GRID2IP: variants seen among roughly 807,000 people sequenced by gnomAD.
The protein encoded by GRID2IP is delphilin.
In GRID2IP, 78 loss-of-function variants were observed where a neutral mutation model predicts 114.3. The ratio of observed to expected loss-of-function variants is 0.68; its 90% CI spans 0.57 to 0.82. The LOEUF (loss-of-function observed/expected upper bound fraction) is 0.82. Ranked by LOEUF, GRID2IP falls within the 40% of genes least tolerant of loss-of-function variation. The pLI is 0.00. For missense variants in GRID2IP, 1,727 were observed against 1,678.5 expected (o/e 1.03, Z -0.51); for synonymous variants, 809 against 724.0 (o/e 1.12, Z -1.89).
chr7:6,536,723 G>T lies in GRID2IP; in HGVS notation c.584+2995C>A, dbSNP rs1779730284. 2 of 690,080 alleles carry T rather than the reference G, an allele frequency of 2.9e-6. No homozygotes were observed. Among genetic ancestry groups the T allele is most frequent in the Non-Finnish European group, 5.3e-6 (2 of 376,696 alleles). The allele number at this position is 690,080 out of a possible 1,614,324, so 42.7% of individuals were successfully genotyped here. A position where few individuals can be genotyped will look rare whatever the true frequency, so the allele number is the denominator to read the frequency against. On this transcript the variant is annotated intron_variant, in intron 2 of 21. Coordinates refer to ENST00000457091, the MANE Select transcript of GRID2IP (RefSeq NM_001145118.2). The surrounding 1 kb of genome is among the most constrained non-coding windows in gnomAD (Gnocchi z 5.3). ...CCTGTCAATCAGCTCCCCAGGAAGC[G>T]CTCAGAGCCAGCGCATCATCTCCGC...
Position 6,508,812 on chromosome 7 carries a change from T to G in GRID2IP, c.2127+146A>C. ...AGATAGGGTAACCTGGGGCAAGGGGTGGGATAGCTTGAGCTAGGGAGTGGG... is the reference window on the plus strand; with the variant it reads ...AGATAGGGTAACCTGGGGCAAGGGGGGGGATAGCTTGAGCTAGGGAGTGGG... On this transcript the variant is annotated intron_variant, in intron 12 of 21. Transcript: ENST00000457091. The surrounding 1 kb of genome is among the most constrained non-coding windows in gnomAD (Gnocchi z 5.6). 2 of 1,279,440 alleles carry G rather than the reference T, an allele frequency of 1.6e-6. No homozygotes were observed. Among genetic ancestry groups the G allele is most frequent in the Non-Finnish European group, 2.1e-6 (2 of 957,244 alleles). 79.3% of individuals were successfully genotyped at this position (1,279,440 alleles called of 1,614,324 possible). A position where few individuals can be genotyped will look rare whatever the true frequency, so the allele number is the denominator to read the frequency against.
At chr7:6,524,223 G>C (rs1317113726) in intron 4 of GRID2IP, among the ~76,000 whole-genome samples, 1 of 152,082 alleles carries the variant, frequency 6.6e-6, no homozygotes, top group Non-Finnish European at 1.5e-5. Flanking sequence ...ATCAGTCCCG[G>C]GCTGGGACTA....
chr7:6,534,381 G>T lies in GRID2IP; in HGVS notation c.584+5337C>A, dbSNP rs566034888. Among the ~76,000 whole-genome samples, 11 of 152,280 alleles carry T rather than the reference G, an allele frequency of 7.2e-5. No individual in the cohort carries two copies. Among genetic ancestry groups the T allele is most frequent in the Non-Finnish European group, 1.2e-4 (8 of 68,034 alleles). On this transcript the variant is annotated intron_variant, in intron 2 of 21. Coordinates refer to ENST00000457091, the MANE Select transcript of GRID2IP (RefSeq NM_001145118.2). The surrounding 1 kb of genome is among the most constrained non-coding windows in gnomAD (Gnocchi z 4.5). ...CACGTCACACTTTCCAAACTGCCTG[G>T]CCTGTCCTAATTAGAAAGCCATTTT...
chr7:6,513,249 C>T (rs999588831), intron 8 of GRID2IP, among the ~76,000 whole-genome samples: 1 of 151,558 alleles, frequency 6.6e-6, no homozygotes, highest in African/African-American at 2.4e-5. Flanking sequence ...TTTTTTCTTT[C>T]CTTTTTTTTT....
intron 4 of GRID2IP, among the ~76,000 whole-genome samples, chr7:6,524,558 T>G (rs1406539150): frequency 1.3e-5 from 2 of 152,090 alleles, no homozygotes; most frequent in Non-Finnish European, 2.9e-5. Flanking sequence ...AGGTTCTGCC[T>G]TCTTCAAGAT....
rs71539949 is a variant in GRID2IP, at chr7:6,543,395, C to CAA, written c.430-3525_430-3524dup. On this transcript the variant is annotated intron_variant, in intron 1 of 21. Coordinates refer to ENST00000457091, the MANE Select transcript of GRID2IP (RefSeq NM_001145118.2). ...CTGGTGACAGAGCGAGGCTCTGTCT[C>CAA]AAAAAAAAAAAAAGCCCCCTTTGTA... Among the ~76,000 whole-genome samples, 1,086 of 130,704 alleles carry CAA rather than the reference C, an allele frequency of 8.3e-3. 16 individuals are homozygous for CAA. Among genetic ancestry groups the CAA allele is most frequent in the African/African-American group, 0.027 (975 of 35,526 alleles). 85.7% of individuals were successfully genotyped at this position (130,704 alleles called of 152,430 possible).
At chr7:6,500,699 C>A (rs573405448) in intron 20 of GRID2IP, among the ~76,000 whole-genome samples, 1 of 152,338 alleles carries the variant, frequency 6.6e-6, no homozygotes, top group South Asian at 2.1e-4. Flanking sequence ...GCCACAGGCA[C>A]AGCCCCCAGA....
chr7:6,510,799 C>T, intron 9 of GRID2IP, 93 bp from the exon 10 acceptor site: 1 of 1,472,504 alleles, frequency 6.8e-7, no homozygotes, highest in Non-Finnish European at 9.2e-7. Context: ...GAGGGCCAAT[C>T]CTGAGCCCTG....
intron 1 of GRID2IP, among the ~76,000 whole-genome samples, chr7:6,548,841 C>CAA (rs60120996): frequency 3.1e-4 from 33 of 106,042 alleles, no homozygotes; most frequent in African/African-American, 9.1e-4. Context: ...GACTCTGCCT[C>CAA]AAAAAAAAAA....
chr7:6,510,967 G>A lies in GRID2IP; in HGVS notation c.1496C>T (p.Ala499Val), dbSNP rs1351778207. The A allele has an allele frequency of 1.9e-6, 3 of 1,546,312 alleles. No individual in the cohort carries two copies. The highest frequency in any genetic ancestry group is 5.0e-5 in the East Asian group (2 of 40,048). ...PEPQPRSSLR[A>V]SSMCRRSLRS... is the part of the protein sequence containing the mutation. ...GAGGCTGCGGCGGCACATGGAGGAAGCCCGCAGGGAGCTCCGCGGCTGGGG... is the reference window on the plus strand; with the variant it reads ...GAGGCTGCGGCGGCACATGGAGGAAACCCGCAGGGAGCTCCGCGGCTGGGG... The change falls in exon 9 of 22, where the codon GCT becomes GTT. Residue 499 changes from alanine (A) to valine (V), a missense_variant. Physicochemically the swap from Ala to Val is moderately conservative, Grantham distance 64. Transcript: ENST00000457091.
Position 6,536,920 on chromosome 7 carries a change from G to C in GRID2IP, c.584+2798C>G. The C allele has an allele frequency of 1.6e-6, 1 of 606,730 alleles. No individual in the cohort carries two copies. Among genetic ancestry groups the C allele is most frequent in the East Asian group, 3.1e-5 (1 of 32,178 alleles). 37.6% of individuals were successfully genotyped at this position (606,730 alleles called of 1,614,324 possible). On this transcript the variant is annotated intron_variant, in intron 2 of 21. Coordinates refer to ENST00000457091, the MANE Select transcript of GRID2IP (RefSeq NM_001145118.2). This position sits in a 1 kb window ranked among gnomAD's most constrained non-coding sequence, Gnocchi z 5.3. Reference sequence around the variant, plus strand: ...CTGCGCCGGGGCTGGGGTGGGCGGGGGGGCGGCGGGGAGGGTGGCCAGCCC... The same window carrying C: ...CTGCGCCGGGGCTGGGGTGGGCGGGCGGGCGGCGGGGAGGGTGGCCAGCCC...
intron 4 of GRID2IP, among the ~76,000 whole-genome samples, chr7:6,525,485 T>C (rs967940491): frequency 4.6e-5 from 7 of 152,038 alleles, no homozygotes; most frequent in Middle Eastern, 3.4e-3. Flanking sequence ...TAGCTAGGCA[T>C]GGTGGCGTGC....
At chr7:6,535,724 C>A (rs1779713138) in intron 2 of GRID2IP, among the ~76,000 whole-genome samples, 1 of 152,038 alleles carries the variant, frequency 6.6e-6, no homozygotes, top group Non-Finnish European at 1.5e-5. Context: ...TAAACCTTGT[C>A]TCTCCTCAAT....
At chr7:6,503,809 GACGGGGC>G (rs1259165005) in intron 15 of GRID2IP, 122 bp from the exon 16 acceptor site, 4 of 667,218 alleles carry the variant, frequency 6.0e-6, no homozygotes, top group Non-Finnish European at 9.5e-6. Context: ...TAGGGGAGAG[GACGGGGC>G]CTTGAGGCTG....
intron 2 of GRID2IP, among the ~76,000 whole-genome samples, chr7:6,535,591 C>G (rs922523500): frequency 1.3e-5 from 2 of 152,290 alleles, no homozygotes; most frequent in Admixed American, 1.3e-4. Flanking sequence ...CTTGGTGGGG[C>G]ACAGTGGCTC....
chr7:6,543,598 A>G (rs1279127085), intron 1 of GRID2IP, among the ~76,000 whole-genome samples: 2 of 151,616 alleles, frequency 1.3e-5, no homozygotes, highest in Non-Finnish European at 2.9e-5. Context: ...TTATGCCTCC[A>G]CTTTATTCAT....
At chr7:6,538,067 T>G (rs962731009) in intron 2 of GRID2IP, among the ~76,000 whole-genome samples, 1 of 152,004 alleles carries the variant, frequency 6.6e-6, no homozygotes, top group Non-Finnish European at 1.5e-5. Context: ...TTGGCACACA[T>G]TCATCATCAT....
chr7:6,498,046 G>C lies in GRID2IP; in HGVS notation c.3564+18C>G, dbSNP rs951550360. The C allele has an allele frequency of 5.5e-5, 84 of 1,532,770 alleles. No homozygotes were observed. In the African/African-American group the frequency reaches 1.1e-3, roughly 20 times the overall value. The allele number at this position is 1,532,770 out of a possible 1,614,324, so 94.9% of individuals were successfully genotyped here. A position where few individuals can be genotyped will look rare whatever the true frequency, so the allele number is the denominator to read the frequency against. ...CCACCTCTCCAAAAGGGCCCCTCAGGGCTCCAGCGAGGCTCACCTCGAATT... is the reference window on the plus strand; with the variant it reads ...CCACCTCTCCAAAAGGGCCCCTCAGCGCTCCAGCGAGGCTCACCTCGAATT... On this transcript the variant is annotated intron_variant, in intron 21 of 21. Coordinates refer to ENST00000457091, the MANE Select transcript of GRID2IP (RefSeq NM_001145118.2).
chr7:6,547,068 A>G (rs1779899478), intron 1 of GRID2IP, among the ~76,000 whole-genome samples: 1 of 152,082 alleles, frequency 6.6e-6, no homozygotes, highest in Non-Finnish European at 1.5e-5. Flanking sequence ...CTAAGAGGAG[A>G]TGCACAATTT....
Sources: allele counts gnomAD v4.1 joint callset (sites outside exome capture counted in the v4.1 genomes callset), GRCh38; gene constraint gnomAD v4.1.1; non-coding constraint Gnocchi (gnomAD v3.1); transcripts MANE v1.5; gene names NCBI Gene and HGNC (gene_info 2026-07-23, HGNC 2026-07-21).